STK31: variants seen among roughly 807,000 people sequenced by gnomAD.
The protein encoded by STK31 is serine/threonine-protein kinase 31.
Under a neutral mutation model 129.7 loss-of-function variants are expected in STK31, and 89 were observed. The observed-to-expected ratio is 0.69, with a 90% CI of 0.58 to 0.82. STK31 has a LOEUF of 0.82. Ranked by LOEUF, STK31 falls within the 40% of genes least tolerant of loss-of-function variation. The pLI is 0.00. For synonymous variants in STK31, 448 were observed against 395.3 expected (o/e 1.13, Z -1.58); for missense variants, 1,187 against 1,176.4 (o/e 1.01, Z -0.13).
intron 23 of STK31, among the ~76,000 whole-genome samples, chr7:23,823,160 A>G (rs925700773): frequency 6.6e-6 from 1 of 152,190 alleles, no homozygotes; most frequent in Non-Finnish European, 1.5e-5. Context: ...TAGATCCCTG[A>G]GGAATTGCCA....
chr7:23,825,066 G>C (rs145214522), intron 23 of STK31, among the ~76,000 whole-genome samples: 1 of 151,672 alleles, frequency 6.6e-6, no homozygotes, highest in Non-Finnish European at 1.5e-5. Flanking sequence ...TGTCTTTTTT[G>C]GTTGTGTCTC....
chr7:23,726,383 A>G, intron 4 of STK31: 1 of 147,944 alleles, frequency 6.8e-6, no homozygotes, highest in East Asian at 2.0e-4. Flanking sequence ...TTGAAGTTCG[A>G]GAAAATGAAA....
At chr7:23,781,570 T>G in intron 16 of STK31, 50 bp downstream of exon 16, 3 of 1,350,148 alleles carry the variant, frequency 2.2e-6, no homozygotes, top group Middle Eastern at 1.9e-4. Flanking sequence ...CTCTAGAAAT[T>G]GAATTTAAAT....
At chr7:23,755,646 G>C (rs907424536) in intron 10 of STK31, among the ~76,000 whole-genome samples, 1 of 152,158 alleles carries the variant, frequency 6.6e-6, no homozygotes, top group Non-Finnish European at 1.5e-5. Flanking sequence ...TTACATTTAA[G>C]TCTTTAATCC....
At chr7:23,746,569 T>C (rs1788367246) in intron 8 of STK31, among the ~76,000 whole-genome samples, 1 of 152,214 alleles carries the variant, frequency 6.6e-6, no homozygotes, top group Non-Finnish European at 1.5e-5. Context: ...TCTGAAATAA[T>C]GTAATCTAAC....
intron 22 of STK31, among the ~76,000 whole-genome samples, chr7:23,808,169 A>ATATTTT (rs10643943): frequency 3.5e-4 from 51 of 146,412 alleles, no homozygotes; most frequent in African/African-American, 7.2e-4. Flanking sequence ...ATATATATAT[A>ATATTTT]TTTTTTGTAG....
chr7:23,747,224 A>G (rs368171417), intron 8 of STK31, among the ~76,000 whole-genome samples: 12 of 152,226 alleles, frequency 7.9e-5, no homozygotes, highest in East Asian at 3.9e-4. Context: ...CTTCTATTCA[A>G]TGACTGAGAA....
intron 4 of STK31, among the ~76,000 whole-genome samples, chr7:23,718,580 A>T (rs1476825946): frequency 6.6e-6 from 1 of 152,154 alleles, no homozygotes; most frequent in African/African-American, 2.4e-5. Context: ...CTGTTCTTAA[A>T]TCATGGAGTA....
chr7:23,747,812 T>C (rs949544795), intron 8 of STK31, among the ~76,000 whole-genome samples: 1 of 152,222 alleles, frequency 6.6e-6, no homozygotes, highest in Non-Finnish European at 1.5e-5. Flanking sequence ...ACTGATGCCC[T>C]CTCTTTCATT....
intron 22 of STK31, among the ~76,000 whole-genome samples, chr7:23,800,785 AATATC>A (rs1792318364): frequency 6.6e-6 from 1 of 152,172 alleles, no homozygotes; most frequent in Admixed American, 6.5e-5. Flanking sequence ...AAATAAAAAT[AATATC>A]ATATTAGTGG....
chr7:23,825,180 C>A (rs559274204), intron 23 of STK31, among the ~76,000 whole-genome samples: 2 of 152,280 alleles, frequency 1.3e-5, no homozygotes, highest in East Asian at 3.9e-4. Context: ...ATGGTACCAG[C>A]TCCTCCTTTT....
At chr7:23,733,570 A>G (rs1337052111) in intron 6 of STK31, among the ~76,000 whole-genome samples, 1 of 151,726 alleles carries the variant, frequency 6.6e-6, no homozygotes, top group African/African-American at 2.4e-5. Context: ...GCTCTTTGGG[A>G]GACTGAGGTG....
intron 15 of STK31, among the ~76,000 whole-genome samples, chr7:23,773,995 T>G (rs1164370946): frequency 6.7e-6 from 1 of 150,328 alleles, no homozygotes; most frequent in African/African-American, 2.5e-5. Flanking sequence ...AGTGTTCCCA[T>G]TGTTCAGTTC....
At chr7:23,726,765 C>T (rs184844671) in intron 4 of STK31, among the ~76,000 whole-genome samples, 10 of 152,114 alleles carry the variant, frequency 6.6e-5, no homozygotes. Flanking sequence ...GGACTAATGT[C>T]CTTATACGTA....
rs202049703 is a variant in STK31, at chr7:23,772,183, C to T, written c.1870C>T (p.Pro624Ser). 1.6e-5 allele frequency: 25 copies of T among 1,599,414 alleles called. No homozygotes were observed. In the Admixed American group the frequency reaches 3.5e-4, roughly 22 times the overall value. Residue 624 changes from proline to serine, a missense_variant, in exon 15 of 24, where the codon CCC becomes TCC. By Grantham distance (74) the Pro-to-Ser change is moderately conservative. Around this residue, in one of 5 missense-constraint regions of STK31, gnomAD observed 975 missense variants for 934.9 expected, o/e 1.04. Coordinates refer to ENST00000355870, the MANE Select transcript of STK31 (RefSeq NM_031414.5). ...GCTTATTGAATATTTAAATAAGAGT[C>T]CCAGTGTGGATCACTTGCTATCCAT... is the stretch of plus-strand genomic sequence containing the variant. ...KQLIEYLNKS[P>S]SVDHLLSIKK...
intron 22 of STK31, among the ~76,000 whole-genome samples, chr7:23,796,052 G>T (rs778020204): frequency 1.3e-5 from 2 of 152,190 alleles, no homozygotes; most frequent in Non-Finnish European, 2.9e-5. Context: ...TTTGAAATGT[G>T]AAGACATGAG....
At chr7:23,753,945 T>C (rs1788888250) in intron 9 of STK31, among the ~76,000 whole-genome samples, 1 of 152,184 alleles carries the variant, frequency 6.6e-6, no homozygotes, top group Non-Finnish European at 1.5e-5. Flanking sequence ...CTCTTAGACA[T>C]TGTAAATTAT....
chr7:23,746,264 C>T (rs1268293936), intron 8 of STK31, among the ~76,000 whole-genome samples: 1 of 152,186 alleles, frequency 6.6e-6, no homozygotes, highest in African/African-American at 2.4e-5. Context: ...ACATGAGGAT[C>T]AAAGGTCCCT....
At chr7:23,749,596 A>T (rs1788573444) in intron 8 of STK31, among the ~76,000 whole-genome samples, 1 of 149,584 alleles carries the variant, frequency 6.7e-6, no homozygotes, top group Admixed American at 6.7e-5. Flanking sequence ...CAAGCAGTTG[A>T]CCCACTTCAG....
Sources: allele counts gnomAD v4.1 joint callset (sites outside exome capture counted in the v4.1 genomes callset), GRCh38; gene constraint gnomAD v4.1.1; regional missense constraint gnomAD v4.1.1; transcripts MANE v1.5; gene names NCBI Gene and HGNC (gene_info 2026-07-23, HGNC 2026-07-21).